MAGI2: variants seen among roughly 807,000 people sequenced by gnomAD.
MAGI2 encodes membrane associated guanylate kinase, WW and PDZ domain containing 2.
A neutral mutation model predicts 133.3 loss-of-function variants in MAGI2; 35 were observed. The ratio of observed to expected loss-of-function variants is 0.26; its 90% confidence interval spans 0.20 to 0.35. The LOEUF (loss-of-function observed/expected upper bound fraction) is 0.35, where lower values mean the gene tolerates loss of function less well. Ranked by LOEUF, MAGI2 falls within the 10% of genes least tolerant of loss-of-function variation. The pLI, the probability that MAGI2 is intolerant of heterozygous loss-of-function variation, is 1.00. For missense variants in MAGI2, 1,636 were observed against 1,863.4 expected (o/e 0.88, Z 2.25); for synonymous variants, 729 against 710.6 (o/e 1.03, Z -0.41).
chr7:78,530,042 T>A (rs1005664232), intron 3 of MAGI2, among the ~76,000 whole-genome samples: 12 of 152,290 alleles, frequency 7.9e-5, no homozygotes, highest in African/African-American at 2.9e-4. Context: ...AATGGCCATA[T>A]GTTACTAGCA....
At chr7:78,090,958 C>T (rs1487109241) in intron 20 of MAGI2, among the ~76,000 whole-genome samples, 2 of 152,130 alleles carry the variant, frequency 1.3e-5, no homozygotes, top group African/African-American at 4.8e-5. Context: ...AACTACCTCC[C>T]AGTATACAGC....
chr7:79,018,416 C>T (rs1246541803), intron 1 of MAGI2, among the ~76,000 whole-genome samples: 1 of 152,136 alleles, frequency 6.6e-6, no homozygotes, highest in Non-Finnish European at 1.5e-5. Context: ...ATGAAAAGGA[C>T]AAACTGTTAC....
intron 21 of MAGI2, among the ~76,000 whole-genome samples, chr7:78,059,047 C>G (rs967374713): frequency 2.0e-5 from 3 of 152,180 alleles, no homozygotes; most frequent in African/African-American, 7.2e-5. Context: ...CATCTTACTT[C>G]TGTTTTTAGT....
chr7:78,484,867 A>G (rs980890629), intron 6 of MAGI2: 5 of 151,986 alleles, frequency 3.3e-5, no homozygotes, highest in Non-Finnish European at 1.5e-5. Flanking sequence ...GCTCCCAAAG[A>G]TTAAGTACCT....
intron 20 of MAGI2, among the ~76,000 whole-genome samples, chr7:78,080,667 C>G: frequency 6.6e-6 from 1 of 152,198 alleles, no homozygotes; most frequent in East Asian, 1.9e-4. Context: ...ACTCACACGT[C>G]CAGCTGATTA....
intron 1 of MAGI2, among the ~76,000 whole-genome samples, chr7:79,043,594 G>C (rs1363011126): frequency 1.1e-5 from 1 of 92,212 alleles, no homozygotes; most frequent in East Asian, 3.1e-4. Context: ...CCATACAAAA[G>C]ATCAACAAAA....
At chr7:78,803,708 G>T (rs1442985644) in intron 2 of MAGI2, among the ~76,000 whole-genome samples, 1 of 152,134 alleles carries the variant, frequency 6.6e-6, no homozygotes, top group East Asian at 1.9e-4. Flanking sequence ...TTATATTTAT[G>T]TATATGACTC....
chr7:78,085,674 AAG>A (rs1816566066), intron 20 of MAGI2, among the ~76,000 whole-genome samples: 1 of 151,974 alleles, frequency 6.6e-6, no homozygotes, highest in African/African-American at 2.4e-5. Context: ...GGATGCACAG[AAG>A]AGAGAAGAAT....
chr7:78,184,123 G>T (rs1398938170), intron 13 of MAGI2, among the ~76,000 whole-genome samples: 2 of 152,154 alleles, frequency 1.3e-5, no homozygotes, highest in Non-Finnish European at 2.9e-5. Flanking sequence ...TAAATGAAGT[G>T]CATTCAGAAT....
At chr7:78,840,458 G>A (rs749884883) in intron 2 of MAGI2, among the ~76,000 whole-genome samples, 3 of 152,090 alleles carry the variant, frequency 2.0e-5, no homozygotes, top group Middle Eastern at 3.4e-3. Context: ...TCTGTGGTGC[G>A]CCTGTGAATG....
At chr7:78,180,924 ATTTTT>A (rs371615787) in intron 13 of MAGI2, among the ~76,000 whole-genome samples, 1,875 of 108,040 alleles carry the variant, frequency 0.017, 35 homozygotes, top group East Asian at 0.075. Flanking sequence ...AGGCAGCAGT[ATTTTT>A]TTTTTTTTTT....
chr7:78,796,672 T>A (rs1462825273), intron 2 of MAGI2, among the ~76,000 whole-genome samples: 1 of 152,122 alleles, frequency 6.6e-6, no homozygotes, highest in African/African-American at 2.4e-5. Context: ...CAAAAAGGAA[T>A]CTGCACTCCC....
At chr7:78,489,873 C>T in intron 5 of MAGI2, 33 bp from the exon 6 acceptor site, 1 of 1,490,576 alleles carries the variant, frequency 6.7e-7, no homozygotes, top group Non-Finnish European at 9.2e-7. Context: ...TGAACAGACA[C>T]ATACTAAAAG....
intron 10 of MAGI2, among the ~76,000 whole-genome samples, chr7:78,248,848 T>TA (rs1418856452): frequency 1.3e-5 from 2 of 151,848 alleles, no homozygotes; most frequent in East Asian, 1.9e-4. Flanking sequence ...GCACAGGCAA[T>TA]AAAAAAGCAG....
chr7:79,355,823 G>A (rs7784630), intron 1 of MAGI2, among the ~76,000 whole-genome samples: 2,707 of 152,182 alleles, frequency 0.018, 91 homozygotes, highest in African/African-American at 0.061. Flanking sequence ...AAACACAATT[G>A]TCAGATATAC....
intron 2 of MAGI2, among the ~76,000 whole-genome samples, chr7:78,838,668 T>A (rs1791868077): frequency 6.6e-6 from 1 of 151,974 alleles, no homozygotes; most frequent in Admixed American, 6.6e-5. Flanking sequence ...CATGAACACC[T>A]CAAATATACA....
At chr7:78,925,434 T>C (rs73706521) in intron 2 of MAGI2, among the ~76,000 whole-genome samples, 2,500 of 152,172 alleles carry the variant, frequency 0.016, 76 homozygotes, top group African/African-American at 0.057. Flanking sequence ...ATTGTAGATA[T>C]TAGTCATTCT....
chr7:78,304,269 G>A (rs1798077636), intron 9 of MAGI2, among the ~76,000 whole-genome samples: 1 of 152,050 alleles, frequency 6.6e-6, no homozygotes, highest in African/African-American at 2.4e-5. Flanking sequence ...TCCTTAACAG[G>A]GCTCATGCTA....
At chr7:78,164,760 A>G (rs1825455549) in intron 15 of MAGI2, among the ~76,000 whole-genome samples, 1 of 152,230 alleles carries the variant, frequency 6.6e-6, no homozygotes, top group African/African-American at 2.4e-5. Context: ...GTTTTTATGA[A>G]GTCATAAAAT....
Sources: allele counts gnomAD v4.1 joint callset (sites outside exome capture counted in the v4.1 genomes callset), GRCh38; gene constraint gnomAD v4.1.1; transcripts MANE v1.5; gene names NCBI Gene and HGNC (gene_info 2026-07-23, HGNC 2026-07-21).